KIAA1328: variants seen among roughly 807,000 people sequenced by gnomAD.
The protein encoded by KIAA1328 is protein hinderin.
Under a neutral mutation model 68.1 loss-of-function variants are expected in KIAA1328, and 52 were observed. That is an observed-to-expected ratio of 0.76 (90% CI 0.61 to 0.96). KIAA1328 has a LOEUF of 0.96. Ranked by LOEUF, KIAA1328 falls within the 40% of genes least tolerant of loss-of-function variation. The pLI is 0.00. For synonymous variants in KIAA1328, 232 were observed against 239.4 expected, an observed-to-expected ratio of 0.97 and a Z score of 0.28; for missense variants, 641 against 677.6, an observed-to-expected ratio of 0.95 and a Z score of 0.60.
intron 5 of KIAA1328, among the ~76,000 whole-genome samples, chr18:36,890,869 G>T (rs918578848): frequency 2.6e-5 from 4 of 152,064 alleles, no homozygotes; most frequent in Non-Finnish European, 5.9e-5. Flanking sequence ...ATATGAATGA[G>T]ATTTTTTCTG....
chr18:36,929,398 AT>A (rs2050233743), intron 5 of KIAA1328, among the ~76,000 whole-genome samples: 2 of 152,134 alleles, frequency 1.3e-5, no homozygotes, highest in South Asian at 4.1e-4. Context: ...ATTCTAGTCA[AT>A]AGTTGAAGTG....
intron 5 of KIAA1328, among the ~76,000 whole-genome samples, chr18:36,953,648 G>A (rs1568208841): frequency 6.6e-6 from 1 of 152,024 alleles, no homozygotes; most frequent in Non-Finnish European, 1.5e-5. Context: ...AAATGAAGTG[G>A]CAAGTGTCAC....
intron 6 of KIAA1328, among the ~76,000 whole-genome samples, chr18:37,060,152 T>TATA (rs374541131): frequency 0.024 from 3,591 of 151,138 alleles, 49 homozygotes; most frequent in South Asian, 0.062. Context: ...GAACTTAAAG[T>TATA]ATAATAATAA....
chr18:36,853,469 A>C (rs2047280442), intron 4 of KIAA1328, among the ~76,000 whole-genome samples: 1 of 151,534 alleles, frequency 6.6e-6, no homozygotes. Context: ...TATATTCTTA[A>C]AGTTATTTTC....
chr18:37,163,814 C>T (rs1180197760), intron 8 of KIAA1328, among the ~76,000 whole-genome samples: 1 of 152,118 alleles, frequency 6.6e-6, no homozygotes, highest in African/African-American at 2.4e-5. Flanking sequence ...ATTATTTGTT[C>T]ATCCATAAGG....
At chr18:37,095,389 C>T (rs561219547) in intron 7 of KIAA1328, among the ~76,000 whole-genome samples, 8 of 152,166 alleles carry the variant, frequency 5.3e-5, no homozygotes, top group African/African-American at 1.4e-4. Context: ...TTTTATCTCA[C>T]CACAATGGAG....
intron 6 of KIAA1328, among the ~76,000 whole-genome samples, chr18:37,028,036 A>G (rs1282649508): frequency 1.3e-5 from 2 of 152,184 alleles, no homozygotes; most frequent in Non-Finnish European, 2.9e-5. Context: ...CCCATCAAAA[A>G]GTGGGTGAAG....
At chr18:36,953,535 A>C (rs1300526120) in intron 5 of KIAA1328, among the ~76,000 whole-genome samples, 3 of 151,422 alleles carry the variant, frequency 2.0e-5, no homozygotes, top group Non-Finnish European at 4.4e-5. Context: ...ATTTTATAAA[A>C]ATTTATTTGC....
At chr18:36,853,574 C>CTCT (rs2047284790) in intron 4 of KIAA1328, among the ~76,000 whole-genome samples, 1 of 152,132 alleles carries the variant, frequency 6.6e-6, no homozygotes, top group African/African-American at 2.4e-5. Context: ...ACATTAAAAA[C>CTCT]TCTGCCTCTA....
At chr18:37,121,416 T>TCTA (rs1556892132) in intron 7 of KIAA1328, among the ~76,000 whole-genome samples, 9 of 148,708 alleles carry the variant, frequency 6.1e-5, no homozygotes, top group Admixed American at 1.4e-4. Context: ...ATTTTAGGAC[T>TCTA]TCTATCTATC....
At chr18:36,943,372 G>A (rs1172518966) in intron 5 of KIAA1328, among the ~76,000 whole-genome samples, 1 of 152,142 alleles carries the variant, frequency 6.6e-6, no homozygotes, top group African/African-American at 2.4e-5. Flanking sequence ...CCCAAGTGGT[G>A]ATCTGTGTGT....
chr18:37,088,488 T>C lies in KIAA1328; in HGVS notation c.1232+20943T>C, dbSNP rs2057171269. Among the ~76,000 whole-genome samples the C allele has an allele frequency of 3.3e-5, 5 of 152,232 alleles. No homozygotes were observed. In the South Asian group the frequency reaches 1.0e-3, roughly 32 times the overall value. ...TGTTTATTAATGCTTTGTGTTTCTT[T>C]GTGGAATTTTCACTTCCTATGTTCA... is the stretch of plus-strand genomic sequence containing the variant. On this transcript the variant is annotated intron_variant, in intron 7 of 9. Coordinates refer to ENST00000280020, the MANE Select transcript of KIAA1328 (RefSeq NM_020776.3).
intron 5 of KIAA1328, among the ~76,000 whole-genome samples, chr18:36,944,468 A>G: frequency 6.6e-6 from 1 of 152,066 alleles, no homozygotes; most frequent in East Asian, 1.9e-4. Flanking sequence ...GTTCCCAGCT[A>G]CTCAGGAGGC....
intron 1 of KIAA1328, among the ~76,000 whole-genome samples, chr18:36,832,113 G>A (rs377691600): frequency 1.8e-4 from 28 of 152,136 alleles, no homozygotes; most frequent in South Asian, 6.2e-4. Context: ...CATTTGTTGG[G>A]AAATTCTAGA....
intron 3 of KIAA1328, among the ~76,000 whole-genome samples, chr18:36,839,807 C>T (rs771934656): frequency 5.3e-5 from 8 of 152,122 alleles, no homozygotes; most frequent in Non-Finnish European, 1.2e-4. Context: ...CTTCCTGATG[C>T]CCCTTAAATT....
intron 5 of KIAA1328, among the ~76,000 whole-genome samples, chr18:36,954,144 A>C (rs2051300042): frequency 1.3e-5 from 2 of 151,846 alleles, no homozygotes; most frequent in African/African-American, 2.4e-5. Context: ...CTGGGACTAC[A>C]GGCGCCTGCC....
intron 6 of KIAA1328, among the ~76,000 whole-genome samples, chr18:36,961,757 G>C (rs1392084933): frequency 1.3e-5 from 2 of 152,126 alleles, no homozygotes; most frequent in African/African-American, 4.8e-5. Context: ...TCACAGACAA[G>C]CAAATGCTGA....
intron 5 of KIAA1328, among the ~76,000 whole-genome samples, chr18:36,922,117 C>T (rs957904207): frequency 1.3e-5 from 2 of 151,908 alleles, no homozygotes; most frequent in Admixed American, 6.6e-5. Flanking sequence ...CATGGCACTC[C>T]CTTTTAATTT....
intron 5 of KIAA1328, among the ~76,000 whole-genome samples, chr18:36,920,502 T>C (rs1235481747): frequency 6.6e-6 from 1 of 152,218 alleles, no homozygotes; most frequent in African/African-American, 2.4e-5. Context: ...CTGGTTTTGC[T>C]CTTTTTGCTT....
Sources: gnomAD v4.1 joint callset for allele counts (sites outside exome capture counted in the v4.1 genomes callset) on GRCh38, gnomAD v4.1.1 for gene constraint, MANE v1.5 for transcripts, NCBI Gene and HGNC (gene_info 2026-07-23, HGNC 2026-07-21) for gene names.